The following LRRC14 variants were observed in gnomAD, a reference collection of about 807,000 sequenced individuals.
The protein encoded by LRRC14 is leucine rich repeat containing 14.
LRRC14 carries 16 observed loss-of-function variants against 25.3 expected under a neutral mutation model. The ratio of observed to expected loss-of-function variants is 0.63; its 90% CI spans 0.43 to 0.96. The LOEUF (loss-of-function observed/expected upper bound fraction) is 0.96, where lower values mean the gene tolerates loss of function less well. LRRC14 is among the 40% of genes least tolerant of loss of function. The probability of loss-of-function intolerance (pLI) is 0.00; values close to 1 mark genes in which losing one functional copy is unlikely to be tolerated. For synonymous variants in LRRC14, 359 were observed against 295.1 expected (o/e 1.22, Z -2.22); for missense variants, 594 against 660.5 (o/e 0.90, Z 1.10).
rs1316512161 is a variant in LRRC14 at position 144,524,778 on chromosome 8, G to T, written c.*3300G>T. The stretch of plus-strand genomic sequence containing the variant: ...GTTGCGGGGGTCTTCCTCTCCCTGG[G>T]GGCACCCCGTCCTCCCGCAGCTCCA... On this transcript the variant is annotated 3_prime_UTR_variant, in exon 4 of 4. Coordinates refer to ENST00000292524, the MANE Select transcript of LRRC14 (RefSeq NM_014665.4). 2.1e-6 allele frequency: 3 copies of T among 1,435,922 alleles called. No individual in the cohort carries two copies. In the Admixed American group the frequency reaches 8.4e-5, roughly 40 times the overall value. The allele number at this position is 1,435,922 out of a possible 1,614,324, so 88.9% of individuals were successfully genotyped here. A position where few individuals can be genotyped will look rare whatever the true frequency, so the allele number is the denominator to read the frequency against.
Position 144,521,441 on chromosome 8 carries a change from T to G in LRRC14, c.1445T>G (p.Ile482Ser). The change falls in exon 4 of 4, where the codon ATC (isoleucine) becomes AGC (serine). Residue 482 changes from isoleucine to serine, a missense_variant. Physicochemically the swap from Ile to Ser is moderately radical, Grantham distance 142 (BLOSUM62 -2). Coordinates refer to ENST00000292524, the MANE Select transcript of LRRC14 (RefSeq NM_014665.4). ...GRAHVLWTTD[I>S]YGRLAADYFS... ...GCCCATGTGCTCTGGACCACGGACA[T>G]CTACGGGCGACTGGCTGCGGACTAC... 6.2e-7 allele frequency: 1 copy of G among 1,606,952 alleles called. No homozygotes were observed. Among genetic ancestry groups the G allele is most frequent in the Non-Finnish European group, 8.5e-7 (1 of 1,179,484 alleles).
chr8:144,518,002 C>A lies in LRRC14; in HGVS notation c.-151C>A. ...CGCCGGGCGGGGAGCGGCGGACGGT[C>A]TAGGCGGGGCTGGAGGCGGTGGCTG... On this transcript the variant is annotated 5_prime_UTR_variant, in exon 1 of 4. Coordinates refer to ENST00000292524, the MANE Select transcript of LRRC14 (RefSeq NM_014665.4). 1 of 239,158 alleles carries A rather than the reference C, an allele frequency of 4.2e-6. No homozygotes were observed. Among genetic ancestry groups the A allele is most frequent in the South Asian group, 1.5e-4 (1 of 6,502 alleles). The allele number at this position is 239,158 out of a possible 1,614,324, so 14.8% of individuals were successfully genotyped here. A position where few individuals can be genotyped will look rare whatever the true frequency, so the allele number is the denominator to read the frequency against.
rs755042699 is a variant in LRRC14 at position 144,524,077 on chromosome 8, C to T, written c.*2599C>T. ...CTGCTCCCTACTGCCAACACCGTGG[C>T]CCAGACAGAGACGCTTTCCGAGGAA... On this transcript the variant is annotated 3_prime_UTR_variant, in exon 4 of 4. Coordinates refer to ENST00000292524, the MANE Select transcript of LRRC14 (RefSeq NM_014665.4). 5 of 1,588,200 alleles carry T rather than the reference C, an allele frequency of 3.1e-6. No individual in the cohort carries two copies. The South Asian group carries it at 3.3e-5, about 11-fold the overall frequency.
rs771493162 is a variant in LRRC14 at position 144,520,537 on chromosome 8, C to T, written c.629C>T (p.Thr210Ile). The T allele has an allele frequency of 1.3e-6, 2 of 1,599,850 alleles. No individual in the cohort carries two copies. The highest frequency in any genetic ancestry group is 1.1e-5 in the South Asian group (1 of 91,076). Residue 210 changes from threonine to isoleucine, a missense_variant, in exon 3 of 4, where the codon ACT (threonine) becomes ATT (isoleucine). By Grantham distance (89) the Thr-to-Ile change is moderately conservative. Transcript: ENST00000292524. ...LRAEDLPMRN[T>I]VALLQLLDAG... ...GCTGAGGACCTGCCCATGCGCAACA[C>T]TGTGGCCCTGCTGCAGCTTCTGGAT...
chr8:144,521,343 G>A lies in LRRC14; in HGVS notation c.1347G>A (p.Glu449=), dbSNP rs1816037117. ...CGCCGCCTGCCTCTGTCCTGCTGGA[G>A]GCCTCCATCAATGAGGAGAAGTTTG... ...PWPPPASVLL[E]ASINEEKFAR... Residue 449 remains glutamate (E), a synonymous_variant, in exon 4 of 4, where the codon GAG becomes GAA. Transcript: ENST00000292524. 5 of 1,613,040 alleles carry A rather than the reference G, an allele frequency of 3.1e-6. No individual in the cohort carries two copies. The highest frequency in any genetic ancestry group is 4.2e-6 in the Non-Finnish European group (5 of 1,180,024).
chr8:144,522,320 C>T lies in LRRC14; in HGVS notation c.*842C>T, dbSNP rs558269527. ...TGTTGGGGCCTCCCCGGCCACCTTCCATTGCTACCCCAGGATTCCCGAGTG... is the reference window on the plus strand; with the variant it reads ...TGTTGGGGCCTCCCCGGCCACCTTCTATTGCTACCCCAGGATTCCCGAGTG... On this transcript the variant is annotated 3_prime_UTR_variant, in exon 4 of 4. Coordinates refer to ENST00000292524, the MANE Select transcript of LRRC14 (RefSeq NM_014665.4). 5 of 1,170,752 alleles carry T rather than the reference C, an allele frequency of 4.3e-6. No individual in the cohort carries two copies. The East Asian group carries it at 1.3e-4, about 30-fold the overall frequency. 72.5% of individuals were successfully genotyped at this position (1,170,752 alleles called of 1,614,324 possible). A position where few individuals can be genotyped will look rare whatever the true frequency, so the allele number is the denominator to read the frequency against.
Position 144,523,496 on chromosome 8 carries a change from C to T in LRRC14, c.*2018C>T. The T allele has an allele frequency of 2.1e-6, 3 of 1,447,602 alleles. No homozygotes were observed. Among genetic ancestry groups the T allele is most frequent in the South Asian group, 1.5e-5 (1 of 67,058 alleles). 89.7% of individuals were successfully genotyped at this position (1,447,602 alleles called of 1,614,324 possible). Reference sequence around the variant, plus strand: ...GGGGTTTTGCAGGCCAGGACAGAGGCCTCTTTCCCACCTCCCACAGCGTTT... The same window carrying T: ...GGGGTTTTGCAGGCCAGGACAGAGGTCTCTTTCCCACCTCCCACAGCGTTT... On this transcript the variant is annotated 3_prime_UTR_variant, in exon 4 of 4. Transcript: ENST00000292524.
rs1378814634 is a variant in LRRC14 at position 144,522,695 on chromosome 8, T to A, written c.*1217T>A. 1 of 1,595,624 alleles carries A rather than the reference T, an allele frequency of 6.3e-7. No homozygotes were observed. The highest frequency in any genetic ancestry group is 1.7e-5 in the Admixed American group (1 of 58,302). On this transcript the variant is annotated 3_prime_UTR_variant, in exon 4 of 4. Transcript: ENST00000292524. The stretch of plus-strand genomic sequence containing the variant: ...GTAGTCGTTGACGAACAGCGCTCCC[T>A]CCCCCGGAGGCCCCCGCGCCTTTTT...
Position 144,519,618 on chromosome 8 carries a change from C to T in LRRC14, c.-108C>T. 2.0e-6 allele frequency: 2 copies of T among 977,720 alleles called. No homozygotes were observed. The highest frequency in any genetic ancestry group is 3.1e-5 in the South Asian group (2 of 64,696). 60.6% of individuals were successfully genotyped at this position (977,720 alleles called of 1,614,324 possible). On this transcript the variant is annotated 5_prime_UTR_variant, in exon 2 of 4. Transcript: ENST00000292524. ...CTAACTGCTGACTTTGTTTCAGGCACTATGCTGGGCCTTCCTACCACTTGT... is the reference window on the plus strand; with the variant it reads ...CTAACTGCTGACTTTGTTTCAGGCATTATGCTGGGCCTTCCTACCACTTGT...
chr8:144,519,666 G>T lies in LRRC14; in HGVS notation c.-60G>T. The stretch of plus-strand genomic sequence containing the variant: ...TGTGTGTGGCTTGGTAGTGGCCTAG[G>T]GTCTCTCCTCCCTGCTGAAGTCCCT... On this transcript the variant is annotated 5_prime_UTR_variant, in exon 2 of 4. Coordinates refer to ENST00000292524, the MANE Select transcript of LRRC14 (RefSeq NM_014665.4). 4.1e-6 allele frequency: 6 copies of T among 1,461,776 alleles called. No homozygotes were observed. The highest frequency in any genetic ancestry group is 5.6e-6 in the Non-Finnish European group (6 of 1,076,738). 90.6% of individuals were successfully genotyped at this position (1,461,776 alleles called of 1,614,324 possible). A position where few individuals can be genotyped will look rare whatever the true frequency, so the allele number is the denominator to read the frequency against.
rs774809818 is a variant in LRRC14 at position 144,519,697 on chromosome 8, G to C, written c.-29G>C. 1.3e-6 allele frequency: 2 copies of C among 1,572,230 alleles called. No homozygotes were observed. Among genetic ancestry groups the C allele is most frequent in the Non-Finnish European group, 8.6e-7 (1 of 1,157,910 alleles). On this transcript the variant is annotated 5_prime_UTR_variant, in exon 2 of 4. Coordinates refer to ENST00000292524, the MANE Select transcript of LRRC14 (RefSeq NM_014665.4). Reference sequence around the variant, plus strand: ...TCCTCCCTGCTGAAGTCCCTCTCCTGCAGGTGGCCGTCTGCCCGGCCCAGC... The same window carrying C: ...TCCTCCCTGCTGAAGTCCCTCTCCTCCAGGTGGCCGTCTGCCCGGCCCAGC...
chr8:144,520,844 C>T, intron 3 of LRRC14, 22 bp downstream of exon 3: 11 of 1,593,494 alleles, frequency 6.9e-6, no homozygotes, highest in Non-Finnish European at 9.4e-6. Flanking sequence ...CCACCACTGC[C>T]CTGCCCCTCC....
chr8:144,523,009 C>T lies in LRRC14; in HGVS notation c.*1531C>T. ...ACTCGTACTTACCGGCGTGCGCCAG[C>T]GTGATGTTGCTGAGGAAGAGCATGC... On this transcript the variant is annotated 3_prime_UTR_variant, in exon 4 of 4. Coordinates refer to ENST00000292524, the MANE Select transcript of LRRC14 (RefSeq NM_014665.4). The T allele has an allele frequency of 6.3e-7, 1 of 1,596,772 alleles. No individual in the cohort carries two copies. Among genetic ancestry groups the T allele is most frequent in the South Asian group, 1.1e-5 (1 of 90,346 alleles).
In LRRC14 at chr8:144,524,397, G is replaced by C. The variant is rs1294816223; in HGVS notation, c.*2919G>C. 1 of 1,594,408 alleles carries C rather than the reference G, an allele frequency of 6.3e-7. No homozygotes were observed. The highest frequency in any genetic ancestry group is 8.5e-7 in the Non-Finnish European group (1 of 1,177,478). On this transcript the variant is annotated 3_prime_UTR_variant, in exon 4 of 4. Coordinates refer to ENST00000292524, the MANE Select transcript of LRRC14 (RefSeq NM_014665.4). Reference sequence around the variant, plus strand: ...ACTATTCCAGCCCTACAGGGCGAGGGGCCATAATGGAGTATCCCGCCCCTT... The same window carrying C: ...ACTATTCCAGCCCTACAGGGCGAGGCGCCATAATGGAGTATCCCGCCCCTT...
In LRRC14 at chr8:144,522,346, C is replaced by T. The variant is rs1204751590; in HGVS notation, c.*868C>T. 6 of 1,303,046 alleles carry T rather than the reference C, an allele frequency of 4.6e-6. No individual in the cohort carries two copies. Among genetic ancestry groups the T allele is most frequent in the Non-Finnish European group, 5.9e-6 (6 of 1,019,690 alleles). The allele number at this position is 1,303,046 out of a possible 1,614,324, so 80.7% of individuals were successfully genotyped here. ...ATTGCTACCCCAGGATTCCCGAGTG[C>T]AACGTTCCCGGCTCGCGCCCCACAC... On this transcript the variant is annotated 3_prime_UTR_variant, in exon 4 of 4. Transcript: ENST00000292524.
Position 144,520,157 on chromosome 8 carries a change from C to T in LRRC14, c.330-81C>T, listed in dbSNP as rs189848203. 1.3e-4 allele frequency: 205 copies of T among 1,563,856 alleles called. No homozygotes were observed. The African/African-American group carries it at 1.5e-3, about 12-fold the overall frequency. On this transcript the variant is annotated intron_variant, in intron 2 of 3. Transcript: ENST00000292524. ...GCAAGAGCTCATGCAGGAGCAGGCGCGTTGCTCCTGTCCCAAGGTGGCTGG... is the reference window on the plus strand; with the variant it reads ...GCAAGAGCTCATGCAGGAGCAGGCGTGTTGCTCCTGTCCCAAGGTGGCTGG...
chr8:144,524,627 G>T lies in LRRC14; in HGVS notation c.*3149G>T. On this transcript the variant is annotated 3_prime_UTR_variant, in exon 4 of 4. Transcript: ENST00000292524. Reference sequence around the variant, plus strand: ...CGCCGGCCTCCAGGGCGCGCAGGCTGTTGTTGTGCAGGTAGAGCCGGCGCA... The same window carrying T: ...CGCCGGCCTCCAGGGCGCGCAGGCTTTTGTTGTGCAGGTAGAGCCGGCGCA... The T allele has an allele frequency of 6.6e-7, 1 of 1,522,480 alleles. No individual in the cohort carries two copies. Among genetic ancestry groups the T allele is most frequent in the Middle Eastern group, 1.8e-4 (1 of 5,528 alleles). The allele number at this position is 1,522,480 out of a possible 1,614,324, so 94.3% of individuals were successfully genotyped here.
At position 144,522,294 on chromosome 8, in the gene LRRC14, G is replaced by A; in HGVS notation, c.*816G>A. On this transcript the variant is annotated 3_prime_UTR_variant, in exon 4 of 4. Coordinates refer to ENST00000292524, the MANE Select transcript of LRRC14 (RefSeq NM_014665.4). ...TCTTTTCGGAAGAGCTTCAAGGGAG[G>A]TGTTGGGGCCTCCCCGGCCACCTTC... The A allele has an allele frequency of 1.2e-6, 1 of 857,536 alleles. No individual in the cohort carries two copies. 53.1% of individuals were successfully genotyped at this position (857,536 alleles called of 1,614,324 possible).
rs1397012465 is a variant in LRRC14, at chr8:144,522,551, G to C, written c.*1073G>C. On this transcript the variant is annotated 3_prime_UTR_variant, in exon 4 of 4. Coordinates refer to ENST00000292524, the MANE Select transcript of LRRC14 (RefSeq NM_014665.4). ...CGCCCCCTGTTCCGGGCCGCAGTCA[G>C]CGGGCGCCTCCGCCGGACCCTCGGC... 2.6e-6 allele frequency: 4 copies of C among 1,535,510 alleles called. No individual in the cohort carries two copies. Among genetic ancestry groups the C allele is most frequent in the Non-Finnish European group, 1.7e-6 (2 of 1,143,460 alleles).
Sources: gnomAD v4.1 joint callset for allele counts on GRCh38, gnomAD v4.1.1 for gene constraint, MANE v1.5 for transcripts, NCBI Gene and HGNC (gene_info 2026-07-23, HGNC 2026-07-21) for gene names.